Variants in P4HA2 observed in about 807,000 individuals in gnomAD.
The protein encoded by P4HA2 is prolyl 4-hydroxylase subunit alpha-2.
Under a neutral mutation model 76.9 loss-of-function variants are expected in P4HA2, and 46 were observed. The observed-to-expected ratio is 0.60, with a 90% CI of 0.47 to 0.76. The LOEUF is 0.76. Ranked by LOEUF, P4HA2 falls within the 30% of genes least tolerant of loss-of-function variation. The probability of loss-of-function intolerance (pLI) is 0.00; values close to 1 mark genes in which losing one functional copy is unlikely to be tolerated. For missense variants in P4HA2, 583 were observed against 669.4 expected (o/e 0.87, Z 1.42); for synonymous variants, 243 against 254.0 (o/e 0.96, Z 0.41).
chr5:132,194,249 T>C (rs1750267476), intron 14 of P4HA2, among the ~76,000 whole-genome samples: 1 of 152,236 alleles, frequency 6.6e-6, no homozygotes, highest in Non-Finnish European at 1.5e-5. Flanking sequence ...GTACAACTTT[T>C]TTTCCCCTGA....
chr5:132,203,553 T>C lies in P4HA2; in HGVS notation c.1251+195A>G. 1.7e-6 allele frequency: 1 copy of C among 584,008 alleles called. No individual in the cohort carries two copies. 36.2% of individuals were successfully genotyped at this position (584,008 alleles called of 1,614,324 possible). On this transcript the variant is annotated intron_variant, in intron 10 of 14. Coordinates refer to ENST00000360568, the MANE Select transcript of P4HA2 (RefSeq NM_001017974.2). ...GCACACAGCAGATGCTCAATAGATA[T>C]TTGTTGAACACTAATTGTTGAAAGC...
At chr5:132,225,697 A>G (rs1755294882) in intron 1 of P4HA2, among the ~76,000 whole-genome samples, 1 of 152,230 alleles carries the variant, frequency 6.6e-6, no homozygotes, top group South Asian at 2.1e-4. Context: ...AAACAGGCAG[A>G]AGGCACTCAA....
At chr5:132,195,779 G>C (rs1750546569) in intron 12 of P4HA2, 7 of 450,030 alleles carry the variant, frequency 1.6e-5, no homozygotes, top group Non-Finnish European at 2.9e-5. Context: ...GAAAATGCCT[G>C]TTCTGACCCC....
At chr5:132,222,445 T>C (rs1452422278) in intron 1 of P4HA2, among the ~76,000 whole-genome samples, 3 of 152,158 alleles carry the variant, frequency 2.0e-5, no homozygotes, top group Non-Finnish European at 2.9e-5. Flanking sequence ...TAACTTCCCC[T>C]ACAGGCATCC....
At chr5:132,201,758 G>A (rs1383346106) in intron 10 of P4HA2, 1 of 152,200 alleles carries the variant, frequency 6.6e-6, no homozygotes, top group Non-Finnish European at 1.5e-5. Context: ...GATAAAGGCT[G>A]AATTGTAGCA....
chr5:132,193,510 G>A (rs1027230083), intron 14 of P4HA2: 1 of 152,496 alleles, frequency 6.6e-6, no homozygotes, highest in Non-Finnish European at 1.5e-5. Flanking sequence ...CTCACCAAGA[G>A]GGTCCCAGGA....
In P4HA2 at chr5:132,203,790, C is replaced by T. The variant is rs1751827535; in HGVS notation, c.1209G>A (p.Gln403=). ...TCTTTACTGTTAACCCTGTGATATG[C>T]TGCATCCGACGATTTACTCGGGCCA... ...PVVARVNRRM[Q]HITGLTVKTA... Residue 403 remains glutamine, a synonymous_variant, in exon 10 of 15, where the codon CAG becomes CAA. Coordinates refer to ENST00000360568, the MANE Select transcript of P4HA2 (RefSeq NM_001017974.2). 1 of 1,613,382 alleles carries T rather than the reference C, an allele frequency of 6.2e-7. No individual in the cohort carries two copies.
Position 132,199,058 on chromosome 5 carries a change from G to A in P4HA2, c.1252-126C>T, listed in dbSNP as rs567911808. On this transcript the variant is annotated intron_variant, in intron 10 of 14. Coordinates refer to ENST00000360568, the MANE Select transcript of P4HA2 (RefSeq NM_001017974.2). The stretch of plus-strand genomic sequence containing the variant: ...GAACTCCCAAGAGCAGCCTCTCTAA[G>A]GTGGAAGACAACCATGCCCTGGCAG... The A allele has an allele frequency of 4.1e-4, 279 of 681,384 alleles. 1 individual carries two copies. In the Middle Eastern group the frequency reaches 8.0e-3, roughly 19 times the overall value. 42.2% of individuals were successfully genotyped at this position (681,384 alleles called of 1,614,324 possible).
chr5:132,207,493 G>A (rs1448505364), intron 8 of P4HA2, among the ~76,000 whole-genome samples: 2 of 152,134 alleles, frequency 1.3e-5, no homozygotes, highest in East Asian at 3.9e-4. Context: ...GATAGCACTT[G>A]GCTGTCCACA....
chr5:132,216,646 T>C (rs937351092), intron 4 of P4HA2, among the ~76,000 whole-genome samples: 1 of 152,194 alleles, frequency 6.6e-6, no homozygotes, highest in African/African-American at 2.4e-5. Flanking sequence ...TTGTAAAACA[T>C]ATGAATAGGA....
In P4HA2 at chr5:132,191,495, G is replaced by A. The variant is rs919158672; in HGVS notation, c.*1515C>T. Among the ~76,000 whole-genome samples the A allele has an allele frequency of 7.4e-6, 1 of 134,374 alleles. No individual in the cohort carries two copies. Among genetic ancestry groups the A allele is most frequent in the African/African-American group, 2.9e-5 (1 of 34,408 alleles). 88.2% of individuals were successfully genotyped at this position (134,374 alleles called of 152,430 possible). ...CCACTGCACTCCAGCCTGGGCGACA[G>A]AGCGAGACTCCGTCTCAAAAAAAAA... is the stretch of plus-strand genomic sequence containing the variant. On this transcript the variant is annotated 3_prime_UTR_variant, in exon 15 of 15. Coordinates refer to ENST00000360568, the MANE Select transcript of P4HA2 (RefSeq NM_001017974.2).
At position 132,210,320 on chromosome 5, in the gene P4HA2, G is replaced by A. The variant is rs144299745; in HGVS notation, c.673C>T (p.Arg225Cys). The A allele has an allele frequency of 8.7e-6, 14 of 1,613,902 alleles. No individual in the cohort carries two copies. Among genetic ancestry groups the A allele is most frequent in the African/African-American group, 6.7e-5 (5 of 74,870 alleles). Residue 225 changes from arginine (R) to cysteine (C), a missense_variant, in exon 6 of 15, where the codon CGT becomes TGT. Coordinates refer to ENST00000360568, the MANE Select transcript of P4HA2 (RefSeq NM_001017974.2). The stretch of plus-strand genomic sequence containing the variant: ...AGGCGGCGGGTGAGCTCCAGGGCAC[G>A]GTGCAGATCACCCAACTGGAAGACA... Reference protein sequence around the residue: ...YAVFQLGDLHRALELTRRLLS... With the variant: ...YAVFQLGDLHCALELTRRLLS...
chr5:132,191,284 G>A lies in P4HA2; in HGVS notation c.*1726C>T, dbSNP rs1400870205. ...TCCCAGCACTTTGGGAGGCCGAGGC[G>A]GGCGGATCACGAGGTCAGGAGATCG... On this transcript the variant is annotated 3_prime_UTR_variant, in exon 15 of 15. Coordinates refer to ENST00000360568, the MANE Select transcript of P4HA2 (RefSeq NM_001017974.2). Among the ~76,000 whole-genome samples the A allele has an allele frequency of 3.9e-5, 6 of 151,996 alleles. No homozygotes were observed. Among genetic ancestry groups the A allele is most frequent in the African/African-American group, 7.2e-5 (3 of 41,380 alleles).
chr5:132,213,864 C>T (rs1048864153), intron 5 of P4HA2, 52 bp downstream of exon 5: 47 of 1,590,506 alleles, frequency 3.0e-5, no homozygotes, highest in Non-Finnish European at 4.0e-5. Flanking sequence ...CAACCTGTCC[C>T]GCCACTAAAG....
At chr5:132,221,833 G>A (rs1754688292) in intron 1 of P4HA2, among the ~76,000 whole-genome samples, 1 of 152,200 alleles carries the variant, frequency 6.6e-6, no homozygotes, top group Non-Finnish European at 1.5e-5. Flanking sequence ...GACCCCCACA[G>A]GAAAGTCCTG....
chr5:132,200,417 G>T, intron 10 of P4HA2: 1 of 162,516 alleles, frequency 6.2e-6, no homozygotes. Flanking sequence ...CCTGTCAACA[G>T]CACAAGGAAG....
intron 13 of P4HA2, 119 bp downstream of exon 13, chr5:132,195,293 G>A: frequency 1.3e-6 from 1 of 790,024 alleles, no homozygotes; most frequent in Non-Finnish European, 2.2e-6. Flanking sequence ...TCAGACCCCA[G>A]GTGGGCTAAG....
Position 132,209,157 on chromosome 5 carries a change from C to A in P4HA2, c.884G>T (p.Arg295Leu). ...PERDVYESLC[R>L]GEGVKLTPRR... ...TCTCACCAGTTTGACACCCTCCCCA[C>A]GACAGAGGCTCTCGTAAACATCCCT... Residue 295 changes from arginine (R) to leucine (L), a missense_variant, in exon 7 of 15, where the codon CGT becomes CTT. Arg to Leu is a moderately radical substitution (Grantham distance 102, BLOSUM62 -2). Transcript: ENST00000360568. 6.2e-7 allele frequency: 1 copy of A among 1,613,496 alleles called. No homozygotes were observed. The highest frequency in any genetic ancestry group is 8.5e-7 in the Non-Finnish European group (1 of 1,179,666).
rs1750463228 is a variant in P4HA2, at chr5:132,195,260, C to T, written c.1434+152G>A. On this transcript the variant is annotated intron_variant, in intron 13 of 14. Transcript: ENST00000360568. The stretch of plus-strand genomic sequence containing the variant: ...GACTTCCCTCCCTGTCCTTTCTTCA[C>T]AGGGAGAAGCTGGGCTACCAGGTCA... The T allele has an allele frequency of 2.6e-5, 18 of 680,194 alleles. No individual in the cohort carries two copies. The South Asian group carries it at 3.1e-4, about 12-fold the overall frequency. 42.1% of individuals were successfully genotyped at this position (680,194 alleles called of 1,614,324 possible).
Sources: gnomAD v4.1 joint callset for allele counts (sites outside exome capture counted in the v4.1 genomes callset) on GRCh38, gnomAD v4.1.1 for gene constraint, MANE v1.5 for transcripts, NCBI Gene and HGNC (gene_info 2026-07-23, HGNC 2026-07-21) for gene names.